The following PPP6R2 variants were observed in gnomAD, a reference collection of about 807,000 sequenced individuals.
PPP6R2 encodes protein phosphatase 6 regulatory subunit 2, also known as serine/threonine-protein phosphatase 6 regulatory subunit 2.
A neutral mutation model predicts 100.2 loss-of-function variants in PPP6R2; 62 were observed. That is an observed-to-expected ratio of 0.62 (90% CI 0.50 to 0.76). The LOEUF is 0.76. Among genes scored for constraint, PPP6R2 ranks in the 30% least tolerant of loss-of-function variants. The pLI is 0.00. For synonymous variants in PPP6R2, 525 were observed against 514.7 expected (o/e 1.02, Z -0.27); for missense variants, 1,142 against 1,276.3 (o/e 0.89, Z 1.60).
At chr22:50,384,873 A>G (rs1358457779) in intron 2 of PPP6R2, among the ~76,000 whole-genome samples, 2 of 151,780 alleles carry the variant, frequency 1.3e-5, no homozygotes, top group Non-Finnish European at 2.9e-5. Flanking sequence ...CCTGAGTAGC[A>G]GGGACTATAG....
chr22:50,346,643 ACCGTCAG>A (rs2043811486), intron 1 of PPP6R2, among the ~76,000 whole-genome samples: 1 of 25,498 alleles, frequency 3.9e-5, no homozygotes, highest in Admixed American at 4.4e-4. Flanking sequence ...AGTGCCCCCC[ACCGTCAG>A]TCAGTGCCCC....
intron 10 of PPP6R2, among the ~76,000 whole-genome samples, chr22:50,426,274 C>T (rs927904416): frequency 1.3e-5 from 2 of 152,186 alleles, no homozygotes; most frequent in African/African-American, 4.8e-5. Context: ...TGATAATGAC[C>T]TTTGACACAC....
chr22:50,382,467 T>A (rs775365850), intron 2 of PPP6R2, among the ~76,000 whole-genome samples: 2 of 149,544 alleles, frequency 1.3e-5, no homozygotes, highest in African/African-American at 2.5e-5. Context: ...GCATGGTGGC[T>A]CACGCCTGTA....
rs925302775 is a variant in PPP6R2 at position 50,410,585 on chromosome 22, T to C, written c.414+3710T>C. 3.1e-4 allele frequency among the ~76,000 whole-genome samples: 46 copies of C among 147,846 alleles called. 1 individual carries two copies. The highest frequency in any genetic ancestry group is 8.9e-5 in the Non-Finnish European group (6 of 67,222). On this transcript the variant is annotated intron_variant, in intron 4 of 23. Coordinates refer to ENST00000612753, the MANE Select transcript of PPP6R2 (RefSeq NM_001242898.2). ...TCCACCTCCTGGGTTCAAGCGATTC[T>C]CATGGATTCTCGTGCCTCAGCCTCC...
At chr22:50,367,055 A>G (rs2048910517) in intron 1 of PPP6R2, among the ~76,000 whole-genome samples, 1 of 152,046 alleles carries the variant, frequency 6.6e-6, no homozygotes, top group East Asian at 1.9e-4. Context: ...AAACAAAAGC[A>G]TAAAAAATGG....
At chr22:50,370,130 C>T (rs907988243) in intron 1 of PPP6R2, among the ~76,000 whole-genome samples, 7 of 146,904 alleles carry the variant, frequency 4.8e-5, no homozygotes, top group African/African-American at 1.1e-4. Flanking sequence ...CACCTAACTT[C>T]GACAGTGATC....
intron 2 of PPP6R2, among the ~76,000 whole-genome samples, chr22:50,378,944 A>C (rs1288170969): frequency 1.3e-5 from 2 of 151,590 alleles, no homozygotes; most frequent in African/African-American, 4.9e-5. Flanking sequence ...CTCCACTCTC[A>C]TGAATGGGAT....
the PPP6R2 span, among the ~76,000 whole-genome samples, chr22:50,332,865 A>G: frequency 4.6e-5 from 7 of 150,896 alleles, no homozygotes; most frequent in South Asian, 2.1e-4. Context: ...GTCGTGATCC[A>G]CCCGCCTCTG....
intron 1 of PPP6R2, among the ~76,000 whole-genome samples, chr22:50,370,560 T>C (rs567754464): frequency 1.3e-5 from 2 of 152,038 alleles, no homozygotes; most frequent in Non-Finnish European, 2.9e-5. Context: ...GTGCTGGGAT[T>C]ACAGGCGTGA....
At chr22:50,343,107 A>G (rs2042590856), upstream of PPP6R2, among the ~76,000 whole-genome samples, 1 of 152,076 alleles carries the variant, frequency 6.6e-6, no homozygotes, top group Non-Finnish European at 1.5e-5. Flanking sequence ...GAAACGTAAA[A>G]GGGGAAAGAC....
At chr22:50,366,940 C>T (rs779838306) in intron 1 of PPP6R2, among the ~76,000 whole-genome samples, 4 of 151,918 alleles carry the variant, frequency 2.6e-5, no homozygotes, top group Non-Finnish European at 2.9e-5. Context: ...CACTGCCTGG[C>T]GTCCAGTGTC....
intron 3 of PPP6R2, among the ~76,000 whole-genome samples, chr22:50,399,944 C>T (rs151199363): frequency 2.0e-5 from 3 of 152,374 alleles, no homozygotes; most frequent in Non-Finnish European, 4.4e-5. Context: ...GTCTAGTTTG[C>T]TTGCCAAGAT....
chr22:50,351,035 T>TG (rs1272062892), intron 1 of PPP6R2, among the ~76,000 whole-genome samples: 25 of 117,138 alleles, frequency 2.1e-4, no homozygotes, highest in African/African-American at 7.7e-4. Flanking sequence ...TGTTTTTTTT[T>TG]TTTTTTTTTT....
At chr22:50,440,122 T>TG in intron 21 of PPP6R2, 73 bp downstream of exon 21, 1 of 1,359,452 alleles carries the variant, frequency 7.4e-7, no homozygotes, top group Non-Finnish European at 1.0e-6. Flanking sequence ...CCCCCCTCCT[T>TG]GGGGGCAGTG....
At chr22:50,435,473 A>G (rs1214793893) in intron 13 of PPP6R2, among the ~76,000 whole-genome samples, 2 of 152,198 alleles carry the variant, frequency 1.3e-5, no homozygotes, top group Non-Finnish European at 2.9e-5. Flanking sequence ...GGAGAGTCTC[A>G]TTCTCACTCA....
In PPP6R2 at chr22:50,444,403, C is replaced by A; in HGVS notation, c.*156C>A. ...GGCAGTTGAAACCAGTTGGACGGCCCAGCTTGCGTCTCTTCTGCCTGAGTG... is the reference window on the plus strand; with the variant it reads ...GGCAGTTGAAACCAGTTGGACGGCCAAGCTTGCGTCTCTTCTGCCTGAGTG... On this transcript the variant is annotated 3_prime_UTR_variant, in exon 24 of 24. Transcript: ENST00000612753. The A allele has an allele frequency of 1.0e-6, 1 of 995,050 alleles. No homozygotes were observed. The allele number at this position is 995,050 out of a possible 1,614,324, so 61.6% of individuals were successfully genotyped here. A position where few individuals can be genotyped will look rare whatever the true frequency, so the allele number is the denominator to read the frequency against.
At chr22:50,368,637 C>T (rs954721526) in intron 1 of PPP6R2, among the ~76,000 whole-genome samples, 1 of 152,076 alleles carries the variant, frequency 6.6e-6, no homozygotes, top group East Asian at 1.9e-4. Context: ...AGCTCGTGCC[C>T]TCAGTCTCTT....
Position 50,432,293 on chromosome 22 carries a change from G to A in PPP6R2, c.1364G>A (p.Arg455Lys). The A allele has an allele frequency of 5.2e-6, 8 of 1,549,858 alleles. No individual in the cohort carries two copies. Among genetic ancestry groups the A allele is most frequent in the Non-Finnish European group, 7.0e-6 (8 of 1,147,174 alleles). Residue 455 changes from arginine (R) to lysine (K), a missense_variant, in exon 12 of 24, where the codon AGG (arginine) becomes AAG (lysine). Physicochemically the swap from Arg to Lys is conservative, Grantham distance 26. Coordinates refer to ENST00000612753, the MANE Select transcript of PPP6R2 (RefSeq NM_001242898.2). The part of the protein sequence containing the change: ...HLFQKCCLVQ[R>K]ILEAWEANDH... ...TTCCAGAAGTGCTGCCTGGTGCAGA[G>A]GATCCTGGAGGCCTGGGAAGCCAAC...
intron 22 of PPP6R2, chr22:50,443,367 C>G (rs1056688): frequency 0.58 from 89,101 of 154,640 alleles, 26,055 homozygotes; most frequent in African/African-American, 0.65. Context: ...GCCCCTCCCT[C>G]AGTCAGACAC....
Sources: gnomAD v4.1 joint callset for allele counts (sites outside exome capture counted in the v4.1 genomes callset) on GRCh38, gnomAD v4.1.1 for gene constraint, MANE v1.5 for transcripts, NCBI Gene and HGNC (gene_info 2026-07-23, HGNC 2026-07-21) for gene names.